Variants in OR5K1 observed in about 807,000 individuals in gnomAD.
The protein encoded by OR5K1 is olfactory receptor family 5 subfamily K member 1.
In OR5K1, 7 loss-of-function variants were observed where a neutral mutation model predicts 10.4. The observed-to-expected ratio is 0.67, with a 90% CI of 0.38 to 1.26. The LOEUF is 1.26. Among genes scored for constraint, OR5K1 ranks in the 50% most tolerant of loss-of-function variants. The pLI is 0.02. For missense variants in OR5K1, 435 were observed against 366.2 expected (o/e 1.19, Z -1.53); for synonymous variants, 135 against 128.5 (o/e 1.05, Z -0.34).
In OR5K1 at chr3:98,469,752, T is replaced by C. The variant is rs980978812; in HGVS notation, c.176T>C (p.Met59Thr). The C allele has an allele frequency of 1.2e-5, 20 of 1,613,848 alleles. No homozygotes were observed. The highest frequency in any genetic ancestry group is 2.2e-5 in the East Asian group (1 of 44,862). ...IFTHRRLHTP[M>T]YIFLGNLALV... is the part of the protein sequence containing the mutation. ...ACACACCGTCGGCTTCACACACCAA[T>C]GTACATCTTTCTGGGAAATCTGGCT... is the stretch of plus-strand genomic sequence containing the variant. The change falls in exon 2 of 2, where the codon ATG becomes ACG. Residue 59 changes from methionine to threonine, a missense_variant. Transcript: ENST00000642057.
intron 1 of OR5K1, among the ~76,000 whole-genome samples, chr3:98,467,065 T>C (rs1196053238): frequency 9.9e-6 from 1 of 101,478 alleles, no homozygotes; most frequent in Non-Finnish European, 1.9e-5. Context: ...CCATCTTGAA[T>C]TGATTTTTGT....
chr3:98,464,891 AATG>A (rs1705352924), intron 1 of OR5K1, among the ~76,000 whole-genome samples: 1 of 152,190 alleles, frequency 6.6e-6, no homozygotes. Flanking sequence ...GCATTTGCTC[AATG>A]AATCCATTGT....
rs904508090 is a variant in OR5K1, at chr3:98,471,368, A to C, written c.*865A>C. ...GGTATATTATATATAGAAATGTAAA[A>C]CATAGTGTTGTTAAACTGTAGGTAG... is the stretch of plus-strand genomic sequence containing the variant. On this transcript the variant is annotated 3_prime_UTR_variant, in exon 2 of 2. Transcript: ENST00000642057. 1 of 151,998 alleles carries C rather than the reference A, an allele frequency of 6.6e-6. No individual in the cohort carries two copies. Among genetic ancestry groups the C allele is most frequent in the Non-Finnish European group, 1.5e-5 (1 of 67,972 alleles). The allele number at this position is 151,998 out of a possible 1,614,324, so 9.4% of individuals were successfully genotyped here. A position where few individuals can be genotyped will look rare whatever the true frequency, so the allele number is the denominator to read the frequency against.
Position 98,472,040 on chromosome 3 carries a change from C to T in OR5K1, c.*1537C>T, listed in dbSNP as rs1056178555. ...TAGGTCCTTGCCTGGTATCATGGCA[C>T]TGAGCACAGGTGCCAGATTATATAT... On this transcript the variant is annotated 3_prime_UTR_variant, in exon 2 of 2. Coordinates refer to ENST00000642057, the MANE Select transcript of OR5K1 (RefSeq NM_001004736.4). 9.2e-5 allele frequency: 14 copies of T among 152,128 alleles called. No homozygotes were observed. The highest frequency in any genetic ancestry group is 5.3e-4 in the Admixed American group (8 of 15,236). The allele number at this position is 152,128 out of a possible 1,614,324, so 9.4% of individuals were successfully genotyped here. A position where few individuals can be genotyped will look rare whatever the true frequency, so the allele number is the denominator to read the frequency against.
At position 98,472,096 on chromosome 3, in the gene OR5K1, T is replaced by C. The variant is rs535912202; in HGVS notation, c.*1593T>C. On this transcript the variant is annotated 3_prime_UTR_variant, in exon 2 of 2. Coordinates refer to ENST00000642057, the MANE Select transcript of OR5K1 (RefSeq NM_001004736.4). ...CTGTCCAAGCTATGATTCTGTGAGA[T>C]GTTTGAGCCTATTTGACCCGTTGGT... is the stretch of plus-strand genomic sequence containing the variant. 1.3e-5 allele frequency: 2 copies of C among 152,136 alleles called. No homozygotes were observed. The highest frequency in any genetic ancestry group is 3.9e-4 in the East Asian group (2 of 5,154). The allele number at this position is 152,136 out of a possible 1,614,324, so 9.4% of individuals were successfully genotyped here.
In OR5K1 at chr3:98,471,541, G is replaced by A. The variant is rs572962380; in HGVS notation, c.*1038G>A. On this transcript the variant is annotated 3_prime_UTR_variant, in exon 2 of 2. Transcript: ENST00000642057. ...ATTTATTGAAATCCTGCTATAGGTA[G>A]GCATTGTTCTGGGTGTTGGGCCATA... 5.3e-5 allele frequency: 8 copies of A among 151,970 alleles called. No individual in the cohort carries two copies. In the East Asian group the frequency reaches 1.2e-3, roughly 22 times the overall value. The allele number at this position is 151,970 out of a possible 1,614,324, so 9.4% of individuals were successfully genotyped here. A position where few individuals can be genotyped will look rare whatever the true frequency, so the allele number is the denominator to read the frequency against.
At chr3:98,464,269 T>C (rs570322807) in intron 1 of OR5K1, among the ~76,000 whole-genome samples, 3 of 152,006 alleles carry the variant, frequency 2.0e-5, no homozygotes, top group South Asian at 2.1e-4. Context: ...AAATAAACTT[T>C]AAAAAAATAT....
At position 98,470,417 on chromosome 3, in the gene OR5K1, G is replaced by A. The variant is rs1311612848; in HGVS notation, c.841G>A (p.Val281Ile). 3 of 1,607,322 alleles carry A rather than the reference G, an allele frequency of 1.9e-6. No homozygotes were observed. Among genetic ancestry groups the A allele is most frequent in the East Asian group, 2.2e-5 (1 of 44,786 alleles). ...ACCAGCTGCAATTTTATTTACAATA[G>A]TAGTTCCCTTACTAAATCCTTTCAT... Reference protein sequence around the residue: ...DIPAAILFTIVVPLLNPFIYS... With the variant: ...DIPAAILFTIIVPLLNPFIYS... The change falls in exon 2 of 2, where the codon GTA (valine) becomes ATA (isoleucine). Residue 281 changes from valine to isoleucine, a missense_variant. By Grantham distance (29) the Val-to-Ile change is conservative. Coordinates refer to ENST00000642057, the MANE Select transcript of OR5K1 (RefSeq NM_001004736.4).
intron 1 of OR5K1, among the ~76,000 whole-genome samples, chr3:98,467,978 C>A (rs1705393818): frequency 6.6e-6 from 1 of 151,960 alleles, no homozygotes. Context: ...TATCTTGTGC[C>A]AGTTTTCAAA....
At position 98,470,258 on chromosome 3, in the gene OR5K1, A is replaced by G; in HGVS notation, c.682A>G (p.Met228Val). 6.2e-7 allele frequency: 1 copy of G among 1,613,282 alleles called. No individual in the cohort carries two copies. The highest frequency in any genetic ancestry group is 8.5e-7 in the Non-Finnish European group (1 of 1,179,542). The change falls in exon 2 of 2, where the codon ATG (methionine) becomes GTG (valine). Residue 228 changes from methionine (M) to valine (V), a missense_variant. By Grantham distance (21) the Met-to-Val change is conservative (BLOSUM62 1). Coordinates refer to ENST00000642057, the MANE Select transcript of OR5K1 (RefSeq NM_001004736.4). The part of the protein sequence containing the change: ...YLYILLTIFK[M>V]KSKEGRAKAF... ...CTATATTCTTCTTACTATTTTCAAA[A>G]TGAAATCCAAAGAGGGAAGGGCCAA...
chr3:98,472,389 T>A lies in OR5K1; in HGVS notation c.*1886T>A, dbSNP rs1705459833. ...GTAGGATTTTGAAAGCTTACATGGGTCCCTTTTGAAGGTCCCTTTTGCACA... is the reference window on the plus strand; with the variant it reads ...GTAGGATTTTGAAAGCTTACATGGGACCCTTTTGAAGGTCCCTTTTGCACA... On this transcript the variant is annotated 3_prime_UTR_variant, in exon 2 of 2. Coordinates refer to ENST00000642057, the MANE Select transcript of OR5K1 (RefSeq NM_001004736.4). The A allele has an allele frequency of 6.6e-6, 1 of 151,800 alleles. No individual in the cohort carries two copies. Among genetic ancestry groups the A allele is most frequent in the South Asian group, 2.1e-4 (1 of 4,820 alleles). The allele number at this position is 151,800 out of a possible 1,614,324, so 9.4% of individuals were successfully genotyped here.
At chr3:98,464,678 G>A (rs1441931535) in intron 1 of OR5K1, among the ~76,000 whole-genome samples, 2 of 152,088 alleles carry the variant, frequency 1.3e-5, no homozygotes, top group Non-Finnish European at 1.5e-5. Context: ...GAACACCCTA[G>A]AATCTAGGAA....
Position 98,469,597 on chromosome 3 carries a change from C to G in OR5K1, c.21C>G (p.Thr7=). The G allele has an allele frequency of 6.2e-7, 1 of 1,608,528 alleles. No homozygotes were observed. Among genetic ancestry groups the G allele is most frequent in the Non-Finnish European group, 8.5e-7 (1 of 1,176,920 alleles). The part of the protein sequence containing the change: MAEENH[T]MKNEFILTGF... ...CAGGAATGGCTGAAGAAAATCATAC[C>G]ATGAAAAATGAGTTTATCCTCACAG... Residue 7 remains threonine (T), a synonymous_variant, in exon 2 of 2, where the codon ACC becomes ACG. Transcript: ENST00000642057.
At position 98,470,135 on chromosome 3, in the gene OR5K1, C is replaced by T. The variant is rs904839153; in HGVS notation, c.559C>T (p.Leu187Phe). The T allele has an allele frequency of 1.9e-6, 3 of 1,613,442 alleles. No homozygotes were observed. Among genetic ancestry groups the T allele is most frequent in the Non-Finnish European group, 1.7e-6 (2 of 1,179,692 alleles). Residue 187 changes from leucine (L) to phenylalanine (F), a missense_variant, in exon 2 of 2, where the codon CTC becomes TTC. Physicochemically the swap from Leu to Phe is conservative, Grantham distance 22. Coordinates refer to ENST00000642057, the MANE Select transcript of OR5K1 (RefSeq NM_001004736.4). ...FYCDILPLYR[L>F]SCVDPYINEL... ...CTGTGATATTCTTCCCTTGTATAGACTCTCTTGTGTTGATCCTTATATCAA... is the reference window on the plus strand; with the variant it reads ...CTGTGATATTCTTCCCTTGTATAGATTCTCTTGTGTTGATCCTTATATCAA...
chr3:98,471,826 T>G lies in OR5K1; in HGVS notation c.*1323T>G, dbSNP rs1005710228. On this transcript the variant is annotated 3_prime_UTR_variant, in exon 2 of 2. Coordinates refer to ENST00000642057, the MANE Select transcript of OR5K1 (RefSeq NM_001004736.4). ...ACAGAAAAAGTAATAGGAGAGCAGATGAATTTCCAATTCCCTAACTCATCA... is the reference window on the plus strand; with the variant it reads ...ACAGAAAAAGTAATAGGAGAGCAGAGGAATTTCCAATTCCCTAACTCATCA... 1.3e-5 allele frequency: 2 copies of G among 152,064 alleles called. No homozygotes were observed. The allele number at this position is 152,064 out of a possible 1,614,324, so 9.4% of individuals were successfully genotyped here.
At chr3:98,465,845 CTTAA>C (rs2107088180) in intron 1 of OR5K1, among the ~76,000 whole-genome samples, 1 of 151,506 alleles carries the variant, frequency 6.6e-6, no homozygotes, top group East Asian at 1.9e-4. Flanking sequence ...TTGTTTGATG[CTTAA>C]TTTTTATTCA....
At chr3:98,467,736 T>G (rs1402250100) in intron 1 of OR5K1, among the ~76,000 whole-genome samples, 13 of 134,302 alleles carry the variant, frequency 9.7e-5, no homozygotes, top group Admixed American at 2.4e-4. Flanking sequence ...CTTGTGATTT[T>G]TTTACATTGA....
intron 1 of OR5K1, among the ~76,000 whole-genome samples, chr3:98,464,292 C>A (rs1001633543): frequency 4.6e-5 from 7 of 152,054 alleles, no homozygotes; most frequent in Admixed American, 3.9e-4. Flanking sequence ...ATATACACAC[C>A]AACTTCAAGT....
chr3:98,470,962 TC>T lies in OR5K1; in HGVS notation c.*461del, dbSNP rs1422575609. 1 of 152,644 alleles carries T rather than the reference TC, an allele frequency of 6.6e-6. No homozygotes were observed. The highest frequency in any genetic ancestry group is 1.5e-5 in the Non-Finnish European group (1 of 68,474). 9.5% of individuals were successfully genotyped at this position (152,644 alleles called of 1,614,324 possible). A position where few individuals can be genotyped will look rare whatever the true frequency, so the allele number is the denominator to read the frequency against. On this transcript the variant is annotated 3_prime_UTR_variant, in exon 2 of 2. Coordinates refer to ENST00000642057, the MANE Select transcript of OR5K1 (RefSeq NM_001004736.4). ...TGGTCAACCAGTAAAATCACTTACA[TC>T]CATGAGCAACAAAATTGTGACAAGC...
Sources: allele counts gnomAD v4.1 joint callset (sites outside exome capture counted in the v4.1 genomes callset), GRCh38; gene constraint gnomAD v4.1.1; transcripts MANE v1.5; gene names NCBI Gene and HGNC (gene_info 2026-07-23, HGNC 2026-07-21).